The following TMEM132C variants were observed in gnomAD, a reference collection of about 807,000 sequenced individuals.
TMEM132C encodes transmembrane protein 132C.
In TMEM132C, 29 loss-of-function variants were observed where a neutral mutation model predicts 61.4. That is an observed-to-expected ratio of 0.47 (90% confidence interval 0.35 to 0.64). TMEM132C has a LOEUF of 0.64. Ranked by LOEUF, TMEM132C falls within the 30% of genes least tolerant of loss-of-function variation. TMEM132C has a pLI of 0.00. For synonymous variants in TMEM132C, 656 were observed against 633.1 expected, an observed-to-expected ratio of 1.04 and a Z score of -0.54; for missense variants, 1,408 against 1,476.9, an observed-to-expected ratio of 0.95 and a Z score of 0.76.
In TMEM132C at chr12:128,586,086, A is replaced by T. The variant is rs142578989; in HGVS notation, c.1122-30066A>T. Among the ~76,000 whole-genome samples the T allele has an allele frequency of 8.2e-3, 1,250 of 152,322 alleles. 43 individuals are homozygous for T. The highest frequency in any genetic ancestry group is 0.066 in the Admixed American group (1,009 of 15,296). On this transcript the variant is annotated intron_variant, in intron 3 of 8. Coordinates refer to ENST00000435159, the MANE Select transcript of TMEM132C (RefSeq NM_001136103.3). ...CTTACCACAATGCAAAAGAACAAAT[A>T]AAACGGGAATATATGTATCAATGCA...
chr12:128,376,023 CAG>C lies in TMEM132C; in HGVS notation c.86-38706_86-38705del, dbSNP rs1425230099. On this transcript the variant is annotated intron_variant, in intron 1 of 8. Transcript: ENST00000435159. ...TGAGGCTGCCTGCGGTGGGAAGCTT[CAG>C]AGTTTCAAGCGGGGCTTTGCTATGG... Among the ~76,000 whole-genome samples the C allele has an allele frequency of 2.0e-5, 3 of 152,296 alleles. No homozygotes were observed. In the East Asian group the frequency reaches 5.8e-4, roughly 29 times the overall value.
chr12:128,501,330 CTG>C (rs1324180709), intron 2 of TMEM132C, among the ~76,000 whole-genome samples: 4 of 152,190 alleles, frequency 2.6e-5, no homozygotes, highest in African/African-American at 7.2e-5. Flanking sequence ...CATGAGGAGA[CTG>C]TCATTTAAAC....
At chr12:128,685,212 AG>A (rs1037711736) in intron 5 of TMEM132C, among the ~76,000 whole-genome samples, 2 of 152,190 alleles carry the variant, frequency 1.3e-5, no homozygotes, top group African/African-American at 4.8e-5. Flanking sequence ...TAAGGAAGAG[AG>A]GGGAAGCCAT....
intron 1 of TMEM132C, among the ~76,000 whole-genome samples, chr12:128,347,694 C>T (rs958372769): frequency 6.6e-6 from 1 of 152,200 alleles, no homozygotes; most frequent in Non-Finnish European, 1.5e-5. Context: ...TCCAAAAGTG[C>T]TGGGATTACA....
intron 3 of TMEM132C, among the ~76,000 whole-genome samples, chr12:128,549,487 G>T (rs1395620332): frequency 6.6e-6 from 1 of 152,026 alleles, no homozygotes; most frequent in Non-Finnish European, 1.5e-5. Flanking sequence ...TCCATCTGTG[G>T]GAAGCTTTAG....
chr12:128,605,896 C>T (rs952032707), intron 3 of TMEM132C, among the ~76,000 whole-genome samples: 4 of 152,326 alleles, frequency 2.6e-5, no homozygotes, highest in East Asian at 1.9e-4. Context: ...CCTCCATGCA[C>T]CCTAGTTCCT....
intron 1 of TMEM132C, among the ~76,000 whole-genome samples, chr12:128,390,374 G>T (rs1874723806): frequency 6.6e-6 from 1 of 152,144 alleles, no homozygotes; most frequent in African/African-American, 2.4e-5. Flanking sequence ...GCTTCTAGAG[G>T]TGCCCATGTA....
At chr12:128,539,473 C>T (rs1453020862) in intron 2 of TMEM132C, among the ~76,000 whole-genome samples, 4 of 152,158 alleles carry the variant, frequency 2.6e-5, no homozygotes, top group African/African-American at 9.7e-5. Context: ...AAAAAATTAG[C>T]TGGGCGTGGC....
At chr12:128,619,074 C>T (rs932426045) in intron 4 of TMEM132C, among the ~76,000 whole-genome samples, 6 of 152,184 alleles carry the variant, frequency 3.9e-5, no homozygotes, top group African/African-American at 1.4e-4. Context: ...AATAAAACTG[C>T]AGCTTTGACT....
At chr12:128,528,652 T>C (rs1197848079) in intron 2 of TMEM132C, among the ~76,000 whole-genome samples, 2 of 152,132 alleles carry the variant, frequency 1.3e-5, no homozygotes, top group African/African-American at 2.4e-5. Flanking sequence ...TTGTAGGTTG[T>C]TTAGCAACAT....
At position 128,544,907 on chromosome 12, in the gene TMEM132C, G is replaced by A. The variant is rs567966556; in HGVS notation, c.1121+804G>A. On this transcript the variant is annotated intron_variant, in intron 3 of 8. Coordinates refer to ENST00000435159, the MANE Select transcript of TMEM132C (RefSeq NM_001136103.3). The stretch of plus-strand genomic sequence containing the variant: ...ATAATATTCATCAGACGGATTTAAC[G>A]TAACAGAAACAACCAACCATGCCTG... Among the ~76,000 whole-genome samples, 17 of 152,240 alleles carry A rather than the reference G, an allele frequency of 1.1e-4. 1 individual carries two copies. The South Asian group carries it at 3.1e-3, about 28-fold the overall frequency.
chr12:128,535,672 T>C (rs771398623), intron 2 of TMEM132C, among the ~76,000 whole-genome samples: 1 of 152,020 alleles, frequency 6.6e-6, no homozygotes, highest in Non-Finnish European at 1.5e-5. Flanking sequence ...ATCGAGACCA[T>C]CTTAGCTAAC....
chr12:128,575,936 A>G (rs1875076016), intron 3 of TMEM132C, among the ~76,000 whole-genome samples: 1 of 152,136 alleles, frequency 6.6e-6, no homozygotes. Context: ...GATATCTTGC[A>G]CCTTTCTTGG....
At chr12:128,678,091 A>G (rs1954607927) in intron 5 of TMEM132C, among the ~76,000 whole-genome samples, 1 of 152,228 alleles carries the variant, frequency 6.6e-6, no homozygotes, top group South Asian at 2.1e-4. Flanking sequence ...GGGTATCTAC[A>G]GGATGCATTA....
intron 1 of TMEM132C, among the ~76,000 whole-genome samples, chr12:128,328,821 G>A (rs895425009): frequency 6.9e-6 from 1 of 144,720 alleles, no homozygotes; most frequent in Non-Finnish European, 1.5e-5. Context: ...GGCTAAAGCC[G>A]CAATTACTTT....
intron 4 of TMEM132C, among the ~76,000 whole-genome samples, chr12:128,651,785 C>G (rs1954273177): frequency 6.6e-6 from 1 of 152,118 alleles, no homozygotes; most frequent in South Asian, 2.1e-4. Context: ...GCAGAAGGAA[C>G]AGCATATGCA....
At chr12:128,349,032 C>G (rs991427043) in intron 1 of TMEM132C, among the ~76,000 whole-genome samples, 3 of 152,174 alleles carry the variant, frequency 2.0e-5, no homozygotes, top group Non-Finnish European at 4.4e-5. Flanking sequence ...GAGATGGAAT[C>G]TCACTCTGTT....
intron 2 of TMEM132C, among the ~76,000 whole-genome samples, chr12:128,454,522 C>T (rs780911993): frequency 2.6e-5 from 4 of 152,220 alleles, no homozygotes; most frequent in East Asian, 1.9e-4. Context: ...TTTGGTTTTG[C>T]CTCTAACTTT....
chr12:128,543,348 C>T (rs1467123155), intron 2 of TMEM132C, among the ~76,000 whole-genome samples: 1 of 152,172 alleles, frequency 6.6e-6, no homozygotes, highest in Non-Finnish European at 1.5e-5. Context: ...CTCTTTCTTA[C>T]AGAGGAGGGA....
Sources: gnomAD v4.1 joint callset for allele counts (sites outside exome capture counted in the v4.1 genomes callset) on GRCh38, gnomAD v4.1.1 for gene constraint, MANE v1.5 for transcripts, NCBI Gene and HGNC (gene_info 2026-07-23, HGNC 2026-07-21) for gene names.